The following PREB variants were observed in gnomAD, a reference collection of about 807,000 sequenced individuals.
PREB encodes guanine nucleotide-exchange factor SEC12.
PREB carries 29 observed loss-of-function variants against 46.7 expected under a neutral mutation model. That is an observed-to-expected ratio of 0.62 (90% CI 0.46 to 0.85). The LOEUF (loss-of-function observed/expected upper bound fraction) is 0.85. Among genes scored for constraint, PREB ranks in the 40% least tolerant of loss-of-function variants. The pLI is 0.00. For synonymous variants in PREB, 224 were observed against 220.1 expected, an observed-to-expected ratio of 1.02 and a Z score of -0.16; for missense variants, 494 against 528.4, an observed-to-expected ratio of 0.93 and a Z score of 0.64.
In PREB at chr2:27,134,559, G is replaced by C. The variant is rs983750974; in HGVS notation, c.-138C>G. 10 of 1,360,718 alleles carry C rather than the reference G, an allele frequency of 7.3e-6. No homozygotes were observed. Among genetic ancestry groups the C allele is most frequent in the Non-Finnish European group, 9.4e-6 (10 of 1,063,714 alleles). The allele number at this position is 1,360,718 out of a possible 1,614,324, so 84.3% of individuals were successfully genotyped here. ...CTCCCTACCCCTCTCACACCGGGGA[G>C]TTGCCAAAACCCTGACCATCAGCAG... On this transcript the variant is annotated 5_prime_UTR_variant, in exon 1 of 9. Coordinates refer to ENST00000260643, the MANE Select transcript of PREB (RefSeq NM_013388.6).
rs1174018832 is a variant in PREB at position 27,131,424 on chromosome 2, C to T, written c.1244G>A (p.Gly415Asp). ...TILLLQSAFP[G>D]FL ...CAGGAAGCAGGGAAGCTAAAGGAAA[C>T]CTGGAAAGGCACTCTGGAGCAGCAG... The change falls in exon 9 of 9, where the codon GGT becomes GAT. Residue 415 changes from glycine to aspartate, a missense_variant. Transcript: ENST00000260643. The T allele has an allele frequency of 1.3e-6, 2 of 1,557,118 alleles. No individual in the cohort carries two copies. The highest frequency in any genetic ancestry group is 4.8e-5 in the East Asian group (2 of 41,384).
Position 27,132,820 on chromosome 2 carries a change from T to C in PREB, c.627+23A>G, listed in dbSNP as rs1558479596. 1 of 1,613,374 alleles carries C rather than the reference T, an allele frequency of 6.2e-7. No homozygotes were observed. The highest frequency in any genetic ancestry group is 1.7e-5 in the Admixed American group (1 of 59,958). ...CACCTCCTCTCTCCTTTCTCCATCC[T>C]CCTCCCACCCCCAGCCCCTCACCTT... On this transcript the variant is annotated intron_variant, in intron 4 of 8. Transcript: ENST00000260643. This position sits in a 1 kb window ranked among gnomAD's most constrained non-coding sequence, Gnocchi z 4.0.
chr2:27,134,359 G>A lies in PREB; in HGVS notation c.63C>T (p.Val21=), dbSNP rs1446801392. ...CGATGAGCAGCCCAGTGCTGGGGTC[G>A]ACCTGAAGCGCGTACAACGGGAACG... The part of the protein sequence containing the change: ...RAPFPLYALQ[V]DPSTGLLIAA... The change falls in exon 1 of 9, where the codon GTC becomes GTT. Residue 21 remains valine, a synonymous_variant. Coordinates refer to ENST00000260643, the MANE Select transcript of PREB (RefSeq NM_013388.6). 1.2e-6 allele frequency: 2 copies of A among 1,611,178 alleles called. No individual in the cohort carries two copies. The highest frequency in any genetic ancestry group is 1.7e-5 in the Admixed American group (1 of 59,938).
rs762839155 is a variant in PREB at position 27,132,240 on chromosome 2, G to A, written c.916C>T (p.Leu306Phe). Residue 306 changes from leucine to phenylalanine, a missense_variant, in exon 6 of 9, where the codon CTC becomes TTC. Physicochemically the swap from Leu to Phe is conservative, Grantham distance 22. Transcript: ENST00000260643. This position sits in a 1 kb window ranked among gnomAD's most constrained non-coding sequence, Gnocchi z 4.0. ...KSCGHEVVSCLDVSESGTFLG... is the reference protein window; with the variant it reads ...KSCGHEVVSCFDVSESGTFLG... ...AGCAATGTCTCACACCTGACATCGA[G>A]GCAGGAGACGACTTCATGGCCACAG... The A allele has an allele frequency of 3.1e-6, 5 of 1,614,214 alleles. No individual in the cohort carries two copies. Among genetic ancestry groups the A allele is most frequent in the Admixed American group, 3.3e-5 (2 of 60,030 alleles).
chr2:27,133,814 A>G, intron 1 of PREB, 93 bp from the exon 2 acceptor site: 4 of 1,297,588 alleles, frequency 3.1e-6, no homozygotes, highest in Non-Finnish European at 4.3e-6. Context: ...TGCTTTCTGC[A>G]CGTTCTAGTT....
rs902578402 is a variant in PREB, at chr2:27,132,153, C to T, written c.927-71G>A. 2.4e-5 allele frequency: 39 copies of T among 1,608,908 alleles called. No individual in the cohort carries two copies. Among genetic ancestry groups the T allele is most frequent in the South Asian group, 4.4e-5 (4 of 90,938 alleles). On this transcript the variant is annotated intron_variant, in intron 6 of 8. Coordinates refer to ENST00000260643, the MANE Select transcript of PREB (RefSeq NM_013388.6). This position sits in a 1 kb window ranked among gnomAD's most constrained non-coding sequence, Gnocchi z 4.0. ...CAACCCTCATACCCCAATACCGGTC[C>T]GTAGGGACCCAGGCAGGACTCCTTT...
rs769692993 is a variant in PREB at position 27,132,589 on chromosome 2, CAA to C, written c.752+12_752+13del. The C allele has an allele frequency of 5.6e-6, 9 of 1,613,770 alleles. No homozygotes were observed. The East Asian group carries it at 1.6e-4, about 28-fold the overall frequency. Reference sequence around the variant, plus strand: ...GGCTATGCCTCTTTCAGCCACCACCCAAAGTCTTCACACCTGCAGGCCTGGTA... The same window carrying C: ...GGCTATGCCTCTTTCAGCCACCACCCAGTCTTCACACCTGCAGGCCTGGTA... On this transcript the variant is annotated intron_variant, in intron 5 of 8. Transcript: ENST00000260643. This position sits in a 1 kb window ranked among gnomAD's most constrained non-coding sequence, Gnocchi z 4.0.
chr2:27,131,273 G>C lies in PREB; in HGVS notation c.*141C>G, dbSNP rs1301727718. On this transcript the variant is annotated 3_prime_UTR_variant, in exon 9 of 9. Coordinates refer to ENST00000260643, the MANE Select transcript of PREB (RefSeq NM_013388.6). ...GGGCCATAGCCAAGCCTTTTCACTA[G>C]AAGGGCAGGCAGTGCCCATTCATCT... 8.0e-6 allele frequency: 6 copies of C among 753,984 alleles called. No homozygotes were observed. In the Admixed American group the frequency reaches 1.3e-4, roughly 16 times the overall value. The allele number at this position is 753,984 out of a possible 1,614,324, so 46.7% of individuals were successfully genotyped here. A position where few individuals can be genotyped will look rare whatever the true frequency, so the allele number is the denominator to read the frequency against.
In PREB at chr2:27,132,377, G is replaced by C; in HGVS notation, c.779C>G (p.Ala260Gly). 6.2e-7 allele frequency: 1 copy of C among 1,612,688 alleles called. No individual in the cohort carries two copies. The highest frequency in any genetic ancestry group is 8.5e-7 in the Non-Finnish European group (1 of 1,179,844). The part of the protein sequence containing the change: ...CRFGQVPDQP[A>G]GLRLFTVQIP... ...TTGCACTGTGAAGAGTCGCAGGCCA[G>C]CAGGCTGGTCTGGAACCTGCCCAAA... Residue 260 changes from alanine (A) to glycine (G), a missense_variant, in exon 6 of 9, where the codon GCT (alanine) becomes GGT (glycine). Ala to Gly is a moderately conservative substitution (Grantham distance 60). Coordinates refer to ENST00000260643, the MANE Select transcript of PREB (RefSeq NM_013388.6). This position sits in a 1 kb window ranked among gnomAD's most constrained non-coding sequence, Gnocchi z 4.0.
Position 27,131,438 on chromosome 2 carries a change from C to T in PREB, c.1230G>A (p.Gln410=), listed in dbSNP as rs61276776. 2,523 of 1,562,462 alleles carry T rather than the reference C, an allele frequency of 1.6e-3. 40 individuals are homozygous for T. The African/African-American group carries it at 0.03, about 18-fold the overall frequency. The change falls in exon 9 of 9, where the codon CAG becomes CAA. Residue 410 remains glutamine (Q), a synonymous_variant. Coordinates refer to ENST00000260643, the MANE Select transcript of PREB (RefSeq NM_013388.6). ...GLIIVTILLL[Q]SAFPGFL Reference sequence around the variant, plus strand: ...GCTAAAGGAAACCTGGAAAGGCACTCTGGAGCAGCAGGATGGTCACAATAA... The same window carrying T: ...GCTAAAGGAAACCTGGAAAGGCACTTTGGAGCAGCAGGATGGTCACAATAA...
chr2:27,131,608 G>A lies in PREB; in HGVS notation c.1159+64C>T, dbSNP rs569152794. 5.4e-5 allele frequency: 87 copies of A among 1,598,322 alleles called. No homozygotes were observed. The East Asian group carries it at 6.9e-4, about 13-fold the overall frequency. On this transcript the variant is annotated intron_variant, in intron 8 of 8. Transcript: ENST00000260643. ...GAGTGGCACAAAGAGCCCAGCCTCC[G>A]GGGGGCACGTTTCTGGTCATTAAAC... is the stretch of plus-strand genomic sequence containing the variant.
chr2:27,131,625 T>C, intron 8 of PREB, 47 bp downstream of exon 8: 2 of 1,604,872 alleles, frequency 1.2e-6, no homozygotes, highest in Non-Finnish European at 1.7e-6. Context: ...ACGTTTCTGG[T>C]CATTAAACGT....
rs933746527 is a variant in PREB, at chr2:27,130,782, T to C, written c.*632A>G. 4.7e-5 allele frequency: 75 copies of C among 1,595,534 alleles called. No homozygotes were observed. Among genetic ancestry groups the C allele is most frequent in the Non-Finnish European group, 6.2e-5 (72 of 1,164,346 alleles). ...TTGGGGTCTCAGTTCACTCTTTCCT[T>C]GTTTATTAAATATCAACTTTTCCTG... On this transcript the variant is annotated 3_prime_UTR_variant, in exon 9 of 9. Coordinates refer to ENST00000260643, the MANE Select transcript of PREB (RefSeq NM_013388.6).
chr2:27,131,641 G>T, intron 8 of PREB, 31 bp downstream of exon 8: 1 of 1,610,624 alleles, frequency 6.2e-7, no homozygotes, highest in South Asian at 1.1e-5. Context: ...AACGTGGGGT[G>T]GTGCCTGCCT....
chr2:27,132,247 G>T lies in PREB; in HGVS notation c.909C>A (p.Val303=), dbSNP rs1202317699. The change falls in exon 6 of 9, where the codon GTC becomes GTA. Residue 303 remains valine (V), a synonymous_variant. Coordinates refer to ENST00000260643, the MANE Select transcript of PREB (RefSeq NM_013388.6). This position sits in a 1 kb window ranked among gnomAD's most constrained non-coding sequence, Gnocchi z 4.0. ...TCTCACACCTGACATCGAGGCAGGA[G>T]ACGACTTCATGGCCACAGGACTTGG... ...LRTKSCGHEV[V]SCLDVSESGT... is the part of the protein sequence containing the mutation. 5.0e-6 allele frequency: 8 copies of T among 1,614,104 alleles called. No individual in the cohort carries two copies. The highest frequency in any genetic ancestry group is 6.8e-6 in the Non-Finnish European group (8 of 1,180,048).
Position 27,131,938 on chromosome 2 carries a change from C to A in PREB, c.999+72G>T. 7 of 1,593,912 alleles carry A rather than the reference C, an allele frequency of 4.4e-6. No homozygotes were observed. In the South Asian group the frequency reaches 7.7e-5, roughly 18 times the overall value. On this transcript the variant is annotated intron_variant, in intron 7 of 8. Coordinates refer to ENST00000260643, the MANE Select transcript of PREB (RefSeq NM_013388.6). Reference sequence around the variant, plus strand: ...TTCCCTCGATAGGATGGGCCAGACTCCTTCCTGCAAACTCAGGGTAGAGAC... The same window carrying A: ...TTCCCTCGATAGGATGGGCCAGACTACTTCCTGCAAACTCAGGGTAGAGAC...
intron 1 of PREB, 166 bp downstream of exon 1, chr2:27,134,121 G>C: frequency 1.1e-6 from 1 of 937,190 alleles, no homozygotes; most frequent in Non-Finnish European, 1.5e-6. Flanking sequence ...TCCGCCCGCT[G>C]AGTTCTCGAC....
Position 27,134,523 on chromosome 2 carries a change from C to A in PREB, c.-102G>T. On this transcript the variant is annotated 5_prime_UTR_variant, in exon 1 of 9. Coordinates refer to ENST00000260643, the MANE Select transcript of PREB (RefSeq NM_013388.6). ...CGGCTGGTGAACTCGGCCCCGTCGC[C>A]GCCGGGAGCACTCCCTACCCCTCTC... is the stretch of plus-strand genomic sequence containing the variant. The A allele has an allele frequency of 7.2e-7, 1 of 1,387,138 alleles. No individual in the cohort carries two copies. Among genetic ancestry groups the A allele is most frequent in the Admixed American group, 3.7e-5 (1 of 27,380 alleles). The allele number at this position is 1,387,138 out of a possible 1,614,324, so 85.9% of individuals were successfully genotyped here.
rs866118924 is a variant in PREB at position 27,131,394 on chromosome 2, AT to A, written c.*19del. 2.6e-6 allele frequency: 4 copies of A among 1,530,666 alleles called. No homozygotes were observed. The highest frequency in any genetic ancestry group is 3.5e-6 in the Non-Finnish European group (4 of 1,127,532). 94.8% of individuals were successfully genotyped at this position (1,530,666 alleles called of 1,614,324 possible). A position where few individuals can be genotyped will look rare whatever the true frequency, so the allele number is the denominator to read the frequency against. On this transcript the variant is annotated 3_prime_UTR_variant, in exon 9 of 9. Transcript: ENST00000260643. The stretch of plus-strand genomic sequence containing the variant: ...AGAGATGGCAGTGTCCAGGCTCCTG[AT>A]TCCCAGGAAGCAGGGAAGCTAAAGG...
Sources: gnomAD v4.1 joint callset for allele counts on GRCh38, gnomAD v4.1.1 for gene constraint, Gnocchi (gnomAD v3.1) non-coding constraint, MANE v1.5 for transcripts, NCBI Gene and HGNC (gene_info 2026-07-23, HGNC 2026-07-21) for gene names.